Variants in CNTN5 observed in about 807,000 individuals in gnomAD.
CNTN5 encodes the protein contactin 5, also known as contactin-5.
In CNTN5, 77 loss-of-function variants were observed where a neutral mutation model predicts 129.1. The ratio of observed to expected loss-of-function variants is 0.60; its 90% CI spans 0.50 to 0.72. The LOEUF is 0.72. Among genes scored for constraint, CNTN5 ranks in the 30% least tolerant of loss-of-function variants. CNTN5 has a pLI of 0.00. For missense variants in CNTN5, 1,478 were observed against 1,328.8 expected, an observed-to-expected ratio of 1.11 and a Z score of -1.75; for synonymous variants, 509 against 465.6, an observed-to-expected ratio of 1.09 and a Z score of -1.20.
intron 2 of CNTN5, among the ~76,000 whole-genome samples, chr11:99,534,512 GTTA>G: frequency 1.2e-5 from 1 of 86,894 alleles, no homozygotes; most frequent in Non-Finnish European, 3.1e-5. Flanking sequence ...TTTGGGCATA[GTTA>G]GAATAATTTG....
At chr11:99,693,624 A>G (rs1012231706) in intron 3 of CNTN5, among the ~76,000 whole-genome samples, 17 of 152,110 alleles carry the variant, frequency 1.1e-4, no homozygotes, top group Non-Finnish European at 2.9e-5. Flanking sequence ...AGTGAGAGAC[A>G]TGGAGTCTCT....
intron 3 of CNTN5, among the ~76,000 whole-genome samples, chr11:99,817,207 G>A (rs914190451): frequency 2.6e-5 from 4 of 152,194 alleles, no homozygotes; most frequent in South Asian, 2.1e-4. Context: ...GTTATCACAT[G>A]TTTGTTGAAT....
At chr11:99,840,765 T>C (rs2135671830) in intron 4 of CNTN5, among the ~76,000 whole-genome samples, 1 of 152,284 alleles carries the variant, frequency 6.6e-6, no homozygotes, top group East Asian at 1.9e-4. Flanking sequence ...ATCAAGATCT[T>C]TGTGATAATT....
chr11:99,552,215 G>GTTTT (rs549887501), intron 2 of CNTN5, among the ~76,000 whole-genome samples: 1 of 138,984 alleles, frequency 7.2e-6, no homozygotes, highest in South Asian at 2.3e-4. Context: ...CAGTTTTTGT[G>GTTTT]TTTTTTTTTT....
chr11:99,759,927 G>C (rs781056370), intron 3 of CNTN5, among the ~76,000 whole-genome samples: 1 of 152,072 alleles, frequency 6.6e-6, no homozygotes, highest in Non-Finnish European at 1.5e-5. Context: ...AACTGTGCTG[G>C]AGGAGTCTAA....
At chr11:99,769,871 A>G (rs2135328021) in intron 3 of CNTN5, among the ~76,000 whole-genome samples, 3 of 152,032 alleles carry the variant, frequency 2.0e-5, no homozygotes, top group Admixed American at 2.0e-4. Flanking sequence ...GCTCAAGTCT[A>G]ATATGGTATA....
chr11:99,355,857 C>T (rs1207946433), intron 2 of CNTN5, among the ~76,000 whole-genome samples: 9 of 142,900 alleles, frequency 6.3e-5, no homozygotes, highest in Non-Finnish European at 1.4e-4. Flanking sequence ...GACGGAATCT[C>T]GCTCTTTCGC....
chr11:100,046,571 T>C (rs80157765), intron 9 of CNTN5, among the ~76,000 whole-genome samples: 4,842 of 152,256 alleles, frequency 0.032, 126 homozygotes, highest in African/African-American at 0.075. Flanking sequence ...GATTTCTCCA[T>C]AGTGTTCAAG....
intron 6 of CNTN5, among the ~76,000 whole-genome samples, chr11:99,899,200 A>T (rs911630261): frequency 6.6e-6 from 1 of 151,980 alleles, no homozygotes; most frequent in Admixed American, 6.6e-5. Context: ...CTTTTTCCCA[A>T]TTTGGATGCC....
At chr11:100,075,276 G>A (rs1192556789) in intron 13 of CNTN5, among the ~76,000 whole-genome samples, 3 of 152,150 alleles carry the variant, frequency 2.0e-5, no homozygotes, top group East Asian at 3.9e-4. Context: ...AACAATTTTT[G>A]GAATTACTGG....
chr11:99,862,541 G>A (rs992769369), intron 6 of CNTN5, among the ~76,000 whole-genome samples: 2 of 151,962 alleles, frequency 1.3e-5, no homozygotes, highest in Non-Finnish European at 2.9e-5. Context: ...CATGTATGCT[G>A]TACTAACTCC....
At chr11:99,439,384 T>G (rs1943727317) in intron 2 of CNTN5, among the ~76,000 whole-genome samples, 1 of 151,880 alleles carries the variant, frequency 6.6e-6, no homozygotes, top group South Asian at 2.1e-4. Context: ...AAAAATAAAC[T>G]TGTACACAAA....
At chr11:99,404,906 G>A (rs1405385451) in intron 2 of CNTN5, among the ~76,000 whole-genome samples, 3 of 152,090 alleles carry the variant, frequency 2.0e-5, no homozygotes. Flanking sequence ...GACAGGTCTG[G>A]TGTTGATGAA....
At chr11:99,439,660 A>T (rs1269839100) in intron 2 of CNTN5, among the ~76,000 whole-genome samples, 4 of 135,700 alleles carry the variant, frequency 2.9e-5, no homozygotes, top group Non-Finnish European at 6.1e-5. Context: ...GTGAGCCAAG[A>T]TTGCGCCACT....
At position 100,312,529 on chromosome 11, in the gene CNTN5, C is replaced by T. The variant is rs77968543; in HGVS notation, c.2730+4061C>T. On this transcript the variant is annotated intron_variant, in intron 21 of 24. Transcript: ENST00000524871. The stretch of plus-strand genomic sequence containing the variant: ...AATATAATGAACCCATAAAGCTTAA[C>T]AATTTTGTTTACTTTTATCCCTCTT... 2.6e-5 allele frequency among the ~76,000 whole-genome samples: 4 copies of T among 152,126 alleles called. No homozygotes were observed. The East Asian group carries it at 7.8e-4, about 30-fold the overall frequency.
At chr11:99,368,345 T>A (rs758527697) in intron 2 of CNTN5, among the ~76,000 whole-genome samples, 1 of 151,944 alleles carries the variant, frequency 6.6e-6, no homozygotes, top group Non-Finnish European at 1.5e-5. Context: ...TATTTTAACT[T>A]TGAGATTATT....
chr11:99,539,799 A>G (rs1948035493), intron 2 of CNTN5, among the ~76,000 whole-genome samples: 1 of 152,158 alleles, frequency 6.6e-6, no homozygotes, highest in African/African-American at 2.4e-5. Context: ...GTTGTAGGAA[A>G]TGAGTTCAAC....
At chr11:99,263,365 C>G (rs1237595060) in intron 1 of CNTN5, among the ~76,000 whole-genome samples, 1 of 152,040 alleles carries the variant, frequency 6.6e-6, no homozygotes, top group Non-Finnish European at 1.5e-5. Flanking sequence ...GTCTTCAAAT[C>G]TTATGAATAT....
intron 3 of CNTN5, among the ~76,000 whole-genome samples, chr11:99,691,308 CT>C (rs2134785971): frequency 6.6e-6 from 1 of 151,846 alleles, no homozygotes; most frequent in African/African-American, 2.4e-5. Flanking sequence ...TTTCTTTGCT[CT>C]TGGTTCTCTA....
Sources: gnomAD v4.1 joint callset for allele counts (sites outside exome capture counted in the v4.1 genomes callset) on GRCh38, gnomAD v4.1.1 for gene constraint, MANE v1.5 for transcripts, NCBI Gene and HGNC (gene_info 2026-07-23, HGNC 2026-07-21) for gene names.